Variants in COL4A3 observed in about 807,000 individuals in gnomAD.
The protein encoded by COL4A3 is collagen type IV alpha 3 chain.
Under a neutral mutation model 217.4 loss-of-function variants are expected in COL4A3, and 135 were observed. The ratio of observed to expected loss-of-function variants is 0.62; its 90% CI spans 0.54 to 0.72. The LOEUF (loss-of-function observed/expected upper bound fraction) is 0.72, where lower values mean the gene tolerates loss of function less well. Among genes scored for constraint, COL4A3 ranks in the 30% least tolerant of loss-of-function variants. The pLI, the probability that COL4A3 is intolerant of heterozygous loss-of-function variation, is 0.00. For synonymous variants in COL4A3, 690 were observed against 736.3 expected (o/e 0.94, Z 1.02); for missense variants, 1,868 against 2,119.9 (o/e 0.88, Z 2.33).
At chr2:227,167,773 T>C (rs2065331247) in intron 1 of COL4A3, among the ~76,000 whole-genome samples, 1 of 152,154 alleles carries the variant, frequency 6.6e-6, no homozygotes, top group African/African-American at 2.4e-5. Context: ...ATACTTTGAC[T>C]TGTTTGTTCT....
At chr2:227,195,907 T>C (rs1489588471) in intron 1 of COL4A3, among the ~76,000 whole-genome samples, 1 of 84,024 alleles carries the variant, frequency 1.2e-5, no homozygotes, top group Admixed American at 9.9e-5. Context: ...TCTGTATTCT[T>C]AACAAAAAAA....
At chr2:227,211,848 G>A (rs2067335896) in intron 1 of COL4A3, among the ~76,000 whole-genome samples, 1 of 152,032 alleles carries the variant, frequency 6.6e-6, no homozygotes, top group Admixed American at 6.6e-5. Flanking sequence ...AGTAGAGACG[G>A]GGTTTCACCA....
At chr2:227,224,088 C>A (rs937635209) in intron 1 of COL4A3, among the ~76,000 whole-genome samples, 1 of 152,222 alleles carries the variant, frequency 6.6e-6, no homozygotes, top group Non-Finnish European at 1.5e-5. Context: ...TCGCTCCGAA[C>A]GCAGTCAGCT....
intron 15 of COL4A3, 126 bp downstream of exon 15, chr2:227,254,841 G>T (rs2070049950): frequency 2.7e-6 from 2 of 749,470 alleles, no homozygotes; most frequent in East Asian, 2.6e-5. Flanking sequence ...TTTAAGATTT[G>T]GGAGGCAGGA....
At chr2:227,256,261 AG>A in intron 16 of COL4A3, 81 bp from the exon 17 acceptor site, 1 of 1,284,004 alleles carries the variant, frequency 7.8e-7, no homozygotes, top group Non-Finnish European at 1.1e-6. Context: ...TTTGTTTCAG[AG>A]GAGTTCAAAT....
chr2:227,259,714 A>G (rs2070423509), intron 18 of COL4A3, 79 bp from the exon 19 acceptor site: 1 of 1,061,876 alleles, frequency 9.4e-7, no homozygotes, highest in South Asian at 1.3e-5. Context: ...GCCAAAATGA[A>G]GAAACTGAAG....
In COL4A3 at chr2:227,282,299, T is replaced by TATATATATATATATATATA. The variant is rs1477169067; in HGVS notation, c.2489-64_2489-63insATATATATATATATATAAT. ...AAATATATATATATATATATATATATATTTCTGAAGTTAGTAGGGGAAAGC... is the reference window on the plus strand; with the variant it reads ...AAATATATATATATATATATATATATATATATATATATATATATAATTTCTGAAGTTAGTAGGGGAAAGC... On this transcript the variant is annotated intron_variant, in intron 31 of 51. Transcript: ENST00000396578. This position sits in a 1 kb window ranked among gnomAD's most constrained non-coding sequence, Gnocchi z 4.4. 1.2e-6 allele frequency: 1 copy of TATATATATATATATATATA among 836,450 alleles called. No individual in the cohort carries two copies. The highest frequency in any genetic ancestry group is 1.8e-5 in the African/African-American group (1 of 54,548). 51.8% of individuals were successfully genotyped at this position (836,450 alleles called of 1,614,324 possible). A position where few individuals can be genotyped will look rare whatever the true frequency, so the allele number is the denominator to read the frequency against.
intron 26 of COL4A3, among the ~76,000 whole-genome samples, chr2:227,274,739 T>A (rs565604677): frequency 6.6e-6 from 1 of 152,168 alleles, no homozygotes; most frequent in African/African-American, 2.4e-5. Context: ...CCTCAGGTGA[T>A]CCACCTGCCT....
chr2:227,290,737 CT>C lies in COL4A3; in HGVS notation c.3071-9del. ...ATCTATTTTACTCTATGTTTTCCCC[CT>C]AATTTCAGGTTCTAAAGGAAAAAGG... On this transcript the variant is annotated splice_polypyrimidine_tract_variant and intron_variant, in intron 36 of 51. Coordinates refer to ENST00000396578, the MANE Select transcript of COL4A3 (RefSeq NM_000091.5). 6.2e-7 allele frequency: 1 copy of C among 1,612,408 alleles called. No individual in the cohort carries two copies. Among genetic ancestry groups the C allele is most frequent in the Non-Finnish European group, 8.5e-7 (1 of 1,179,654 alleles).
At chr2:227,281,450 AC>A (rs1446007477) in intron 31 of COL4A3, among the ~76,000 whole-genome samples, 2 of 152,230 alleles carry the variant, frequency 1.3e-5, no homozygotes, top group African/African-American at 2.4e-5. Flanking sequence ...TGATTGTTTT[AC>A]ATACAATATA....
intron 41 of COL4A3, among the ~76,000 whole-genome samples, chr2:227,296,966 A>T (rs533464348): frequency 2.6e-4 from 40 of 152,344 alleles, no homozygotes; most frequent in African/African-American, 9.1e-4. Flanking sequence ...TGCAATTCAT[A>T]CAATATTTTT....
At chr2:227,166,907 G>A (rs2065298684) in intron 1 of COL4A3, among the ~76,000 whole-genome samples, 1 of 152,198 alleles carries the variant, frequency 6.6e-6, no homozygotes, top group African/African-American at 2.4e-5. Flanking sequence ...TGTGTAAAAT[G>A]AGAGTTGAAA....
At position 227,164,736 on chromosome 2, in the gene COL4A3, C is replaced by G; in HGVS notation, c.10C>G (p.Arg4Gly). 6.5e-7 allele frequency: 1 copy of G among 1,529,938 alleles called. No homozygotes were observed. The highest frequency in any genetic ancestry group is 8.7e-7 in the Non-Finnish European group (1 of 1,145,000). The allele number at this position is 1,529,938 out of a possible 1,614,324, so 94.8% of individuals were successfully genotyped here. Residue 4 changes from arginine (R) to glycine (G), a missense_variant, in exon 1 of 52, where the codon CGG (arginine) becomes GGG (glycine). By Grantham distance (125) the Arg-to-Gly change is moderately radical. This residue lies in a region of COL4A3 where 365 missense variants were observed against 333.8 expected (regional missense o/e 1.09). Coordinates refer to ENST00000396578, the MANE Select transcript of COL4A3 (RefSeq NM_000091.5). The surrounding 1 kb of genome is among the most constrained non-coding windows in gnomAD (Gnocchi z 4.8). The stretch of plus-strand genomic sequence containing the variant: ...TGAGCGCGCGCCCACCATGAGCGCC[C>G]GGACCGCCCCCAGGCCGCAGGTGCT... The part of the protein sequence containing the change: MSA[R>G]TAPRPQVLLL...
intron 1 of COL4A3, among the ~76,000 whole-genome samples, chr2:227,233,379 G>T (rs910527790): frequency 1.3e-5 from 2 of 152,110 alleles, no homozygotes; most frequent in Non-Finnish European, 2.9e-5. Context: ...GGTGCACTGT[G>T]GGTGTGATTT....
In COL4A3 at chr2:227,284,243, A is replaced by G; in HGVS notation, c.2779A>G (p.Arg927Gly). 1 of 1,614,100 alleles carries G rather than the reference A, an allele frequency of 6.2e-7. No homozygotes were observed. The highest frequency in any genetic ancestry group is 2.2e-5 in the East Asian group (1 of 44,876). The part of the protein sequence containing the change: ...SPGIPGVKGQ[R>G]GTPGAKGEQG... ...TGGAATTCCAGGAGTAAAGGGCCAG[A>G]GAGGAACCCCAGGAGCCAAGGGGGA... is the stretch of plus-strand genomic sequence containing the variant. Residue 927 changes from arginine to glycine, a missense_variant, in exon 34 of 52, where the codon AGA becomes GGA. This residue lies in a region of COL4A3 where 1,503 missense variants were observed against 1,786.1 expected (regional missense o/e 0.84). Coordinates refer to ENST00000396578, the MANE Select transcript of COL4A3 (RefSeq NM_000091.5).
Position 227,284,368 on chromosome 2 carries a change from T to G in COL4A3, c.2881+23T>G, listed in dbSNP as rs1309286626. ...AAGGTAAAGAATTGCTTGTTTGGAA[T>G]CAGGACATCAGAGCTGATTCTCAGG... On this transcript the variant is annotated intron_variant, in intron 34 of 51. Transcript: ENST00000396578. 8 of 1,608,928 alleles carry G rather than the reference T, an allele frequency of 5.0e-6. No homozygotes were observed. The South Asian group carries it at 8.9e-5, about 18-fold the overall frequency.
Position 227,310,997 on chromosome 2 carries a change from T to G in COL4A3, c.4928+49T>G, listed in dbSNP as rs753875488. ...ATCTGATGACTCAATTGCAGAACTA[T>G]TCAAAGGTTGCCTGTGTTCTTGGGT... On this transcript the variant is annotated intron_variant, in intron 51 of 51. Coordinates refer to ENST00000396578, the MANE Select transcript of COL4A3 (RefSeq NM_000091.5). The G allele has an allele frequency of 6.9e-6, 11 of 1,604,464 alleles. No homozygotes were observed. The African/African-American group carries it at 1.5e-4, about 21-fold the overall frequency.
chr2:227,304,184 G>T lies in COL4A3; in HGVS notation c.4153+40G>T, dbSNP rs1156833849. 6.8e-6 allele frequency: 11 copies of T among 1,612,288 alleles called. No individual in the cohort carries two copies. The East Asian group carries it at 1.6e-4, about 23-fold the overall frequency. On this transcript the variant is annotated intron_variant, in intron 46 of 51. Transcript: ENST00000396578. ...GCATTGACTTGGATCACTAGGAAGT[G>T]GTTGAACCAAAATACCTGTAAACTG...
chr2:227,208,231 C>A (rs756230945), intron 1 of COL4A3, among the ~76,000 whole-genome samples: 1 of 152,188 alleles, frequency 6.6e-6, no homozygotes, highest in Non-Finnish European at 1.5e-5. Flanking sequence ...CAAAAAGACC[C>A]CCTTCTTGCC....
Sources: allele counts gnomAD v4.1 joint callset (sites outside exome capture counted in the v4.1 genomes callset), GRCh38; gene constraint gnomAD v4.1.1; regional missense constraint gnomAD v4.1.1; non-coding constraint Gnocchi (gnomAD v3.1); transcripts MANE v1.5; gene names NCBI Gene and HGNC (gene_info 2026-07-23, HGNC 2026-07-21).